Variants in ARNT2 observed in about 807,000 individuals in gnomAD.
ARNT2 encodes ARNT protein 2.
A neutral mutation model predicts 91.7 loss-of-function variants in ARNT2; 36 were observed. The observed-to-expected ratio is 0.39, with a 90% CI of 0.30 to 0.52. ARNT2 has a LOEUF of 0.52. ARNT2 is among the 20% of genes least tolerant of loss of function. The probability of loss-of-function intolerance (pLI) is 0.72; values close to 1 mark genes in which losing one functional copy is unlikely to be tolerated. For missense variants in ARNT2, 775 were observed against 939.3 expected, an observed-to-expected ratio of 0.83 and a Z score of 2.29; for synonymous variants, 365 against 347.1, an observed-to-expected ratio of 1.05 and a Z score of -0.57.
intron 1 of ARNT2, chr15:80,444,739 G>T (rs1896264823): frequency 6.8e-6 from 1 of 147,228 alleles, no homozygotes; most frequent in South Asian, 2.2e-4. Flanking sequence ...TGATGTGAGT[G>T]GTGTGAGTGG....
chr15:80,445,239 G>A (rs1490412986), intron 1 of ARNT2: 2 of 150,076 alleles, frequency 1.3e-5, no homozygotes, highest in African/African-American at 4.9e-5. Flanking sequence ...TGGAGGGGTG[G>A]GGTGTGTATG....
chr15:80,423,633 A>G (rs1350270562), intron 1 of ARNT2, among the ~76,000 whole-genome samples: 1 of 152,168 alleles, frequency 6.6e-6, no homozygotes, highest in Non-Finnish European at 1.5e-5. Context: ...ATTTGCTAAG[A>G]TCCATATTAG....
intron 10 of ARNT2, 113 bp from the exon 11 acceptor site, chr15:80,554,952 A>G: frequency 1.8e-6 from 2 of 1,121,088 alleles, no homozygotes; most frequent in Non-Finnish European, 2.6e-6. Context: ...GGGGTGGGAC[A>G]GGCTAAAGGA....
chr15:80,578,602 G>A (rs186126779), intron 15 of ARNT2, among the ~76,000 whole-genome samples: 2 of 151,812 alleles, frequency 1.3e-5, no homozygotes, highest in East Asian at 4.0e-4. Flanking sequence ...TGCAGAGCCT[G>A]GGTAACGCTG....
At chr15:80,566,442 G>T (rs191278524) in intron 12 of ARNT2, among the ~76,000 whole-genome samples, 1 of 152,034 alleles carries the variant, frequency 6.6e-6, no homozygotes, top group Non-Finnish European at 1.5e-5. Flanking sequence ...CTCCCTGCAC[G>T]TCCCTGGACT....
intron 8 of ARNT2, among the ~76,000 whole-genome samples, chr15:80,514,612 C>T (rs965207693): frequency 6.6e-6 from 1 of 152,148 alleles, no homozygotes. Context: ...TGCAACCAGA[C>T]GCAGTGGCTC....
At position 80,566,285 on chromosome 15, in the gene ARNT2, C is replaced by G. The variant is rs147387872; in HGVS notation, c.1316+3046C>G. 5.1e-3 allele frequency among the ~76,000 whole-genome samples: 771 copies of G among 151,844 alleles called. 7 individuals carry two copies. The highest frequency in any genetic ancestry group is 0.018 in the African/African-American group (727 of 41,130). On this transcript the variant is annotated intron_variant, in intron 12 of 18. Transcript: ENST00000303329. ...AACTCTGGGCAGATCACCTTGCCTT[C>G]CAACAAACAGAGACACCAGGACCCT...
In ARNT2 at chr15:80,595,666, G is replaced by T. The variant is rs1463202391; in HGVS notation, c.*1968G>T. 1 of 152,232 alleles carries T rather than the reference G, an allele frequency of 6.6e-6. No homozygotes were observed. The highest frequency in any genetic ancestry group is 1.9e-4 in the East Asian group (1 of 5,198). 9.4% of individuals were successfully genotyped at this position (152,232 alleles called of 1,614,324 possible). ...AACTTTGCAGTTTCTAGAGCTTTTT[G>T]TCTGTAATGGTGATTGGGTCTCCAC... On this transcript the variant is annotated 3_prime_UTR_variant, in exon 19 of 19. Transcript: ENST00000303329.
At chr15:80,480,651 A>G (rs369715596) in intron 5 of ARNT2, among the ~76,000 whole-genome samples, 16 of 152,296 alleles carry the variant, frequency 1.1e-4, no homozygotes, top group East Asian at 3.9e-4. Flanking sequence ...GAATTGGGTC[A>G]GCATTTTGGT....
chr15:80,528,397 T>C (rs945934010), intron 8 of ARNT2, among the ~76,000 whole-genome samples: 2 of 152,008 alleles, frequency 1.3e-5, no homozygotes, highest in Non-Finnish European at 1.5e-5. Flanking sequence ...TATCTATCTA[T>C]CTATCTATCT....
chr15:80,418,658 C>T lies in ARNT2; in HGVS notation c.31+14112C>T, dbSNP rs1279925304. 2.0e-5 allele frequency among the ~76,000 whole-genome samples: 3 copies of T among 152,146 alleles called. No homozygotes were observed. In the East Asian group the frequency reaches 5.8e-4, roughly 29 times the overall value. On this transcript the variant is annotated intron_variant, in intron 1 of 18. Coordinates refer to ENST00000303329, the MANE Select transcript of ARNT2 (RefSeq NM_014862.4). Reference sequence around the variant, plus strand: ...ACTCTCTATGGATCCTCTGTTGGGTCGGGGGCTAGGCTGCTGTGCTGTGGG... The same window carrying T: ...ACTCTCTATGGATCCTCTGTTGGGTTGGGGGCTAGGCTGCTGTGCTGTGGG...
Position 80,508,185 on chromosome 15 carries a change from G to A in ARNT2, c.652G>A (p.Val218Ile). Residue 218 changes from valine to isoleucine, a missense_variant, in exon 6 of 19, where the codon GTC becomes ATC. Coordinates refer to ENST00000303329, the MANE Select transcript of ARNT2 (RefSeq NM_014862.4). The stretch of plus-strand genomic sequence containing the variant: ...GATCTTGGACCTGAAGACTGGGACG[G>A]TCAAGAAAGAAGGGCAGCAGTCATC... ...GRILDLKTGTVKKEGQQSSMR... is the reference protein window; with the variant it reads ...GRILDLKTGTIKKEGQQSSMR... 3 of 1,614,142 alleles carry A rather than the reference G, an allele frequency of 1.9e-6. No homozygotes were observed. Among genetic ancestry groups the A allele is most frequent in the Non-Finnish European group, 2.5e-6 (3 of 1,180,008 alleles).
intron 1 of ARNT2, among the ~76,000 whole-genome samples, chr15:80,438,550 A>C (rs1462415015): frequency 6.6e-6 from 1 of 152,256 alleles, no homozygotes; most frequent in African/African-American, 2.4e-5. Context: ...AGCATACCAA[A>C]CAATTCCACA....
intron 5 of ARNT2, among the ~76,000 whole-genome samples, chr15:80,500,009 C>G (rs1381828273): frequency 6.6e-6 from 1 of 152,130 alleles, no homozygotes. Context: ...TGTTTGTGCC[C>G]TCAGCCACTT....
At chr15:80,529,719 T>C (rs922478814) in intron 8 of ARNT2, among the ~76,000 whole-genome samples, 1 of 152,178 alleles carries the variant, frequency 6.6e-6, no homozygotes, top group South Asian at 2.1e-4. Flanking sequence ...TCTCAGTTGC[T>C]CTCTTCACTT....
In ARNT2 at chr15:80,595,059, T is replaced by C. The variant is rs1876063150; in HGVS notation, c.*1361T>C. ...CATGATCCCTGGCTTGCTGTGCTTC[T>C]CTTGGATTTGAGGAGAGTTTATGAA... On this transcript the variant is annotated 3_prime_UTR_variant, in exon 19 of 19. Transcript: ENST00000303329. 6.6e-6 allele frequency: 1 copy of C among 152,364 alleles called. No homozygotes were observed. The highest frequency in any genetic ancestry group is 2.4e-5 in the African/African-American group (1 of 41,456). 9.4% of individuals were successfully genotyped at this position (152,364 alleles called of 1,614,324 possible).
chr15:80,415,729 T>C (rs1007763902), intron 1 of ARNT2, among the ~76,000 whole-genome samples: 1 of 152,198 alleles, frequency 6.6e-6, no homozygotes, highest in Admixed American at 6.5e-5. Context: ...GAGTAAGTGA[T>C]GGACCAGATA....
chr15:80,582,879 A>C (rs1898824561), intron 17 of ARNT2, among the ~76,000 whole-genome samples: 1 of 152,156 alleles, frequency 6.6e-6, no homozygotes, highest in African/African-American at 2.4e-5. Flanking sequence ...CTGCAGTCAC[A>C]CGTGAGATCC....
chr15:80,443,052 C>T, intron 1 of ARNT2: 1 of 979,638 alleles, frequency 1.0e-6, no homozygotes. Context: ...TCACCAGGGA[C>T]CAGACCTGGA....
Sources: gnomAD v4.1 joint callset for allele counts (sites outside exome capture counted in the v4.1 genomes callset) on GRCh38, gnomAD v4.1.1 for gene constraint, MANE v1.5 for transcripts, NCBI Gene and HGNC (gene_info 2026-07-23, HGNC 2026-07-21) for gene names.